Variants in NAV1 observed in about 807,000 individuals in gnomAD.
NAV1 encodes pore membrane and/or filament interacting like protein 3.
Under a neutral mutation model 175.2 loss-of-function variants are expected in NAV1, and 18 were observed. The observed-to-expected ratio is 0.10, with a 90% confidence interval of 0.07 to 0.15. The LOEUF (loss-of-function observed/expected upper bound fraction) is 0.15, where lower values mean the gene tolerates loss of function less well. Among genes scored for constraint, NAV1 ranks in the 10% least tolerant of loss-of-function variants. The pLI is 1.00. For missense variants in NAV1, 1,731 were observed against 2,436.6 expected, an observed-to-expected ratio of 0.71 and a Z score of 6.10; for synonymous variants, 897 against 978.7, an observed-to-expected ratio of 0.92 and a Z score of 1.56.
At chr1:201,761,965 C>T (rs912182601) in intron 3 of NAV1, among the ~76,000 whole-genome samples, 24 of 151,558 alleles carry the variant, frequency 1.6e-4, no homozygotes, top group Non-Finnish European at 2.1e-4. Flanking sequence ...CCAGCCTAGG[C>T]GACATAGTGA....
chr1:201,718,397 G>C lies in NAV1; in HGVS notation c.868G>C (p.Glu290Gln). ...CTTCTGCTCTCCACCCAGCTCCCTG[G>C]AGATGACCTGCTACGACAGCGATGA... The change falls in exon 3 of 30, where the codon GAG (glutamate) becomes CAG (glutamine). Residue 290 changes from glutamate to glutamine, a missense_variant. Glu to Gln is a conservative substitution (Grantham distance 29, BLOSUM62 2). Coordinates refer to ENST00000367296, the Ensembl canonical transcript of NAV1. This position sits in a 1 kb window ranked among gnomAD's most constrained non-coding sequence, Gnocchi z 4.8. 1 of 1,539,546 alleles carries C rather than the reference G, an allele frequency of 6.5e-7. No homozygotes were observed. The highest frequency in any genetic ancestry group is 8.8e-7 in the Non-Finnish European group (1 of 1,137,934).
At chr1:201,821,665 G>C (rs2102848378) in exon 30 of NAV1, 1 of 152,320 alleles carries the variant, frequency 6.6e-6, no homozygotes, top group South Asian at 2.1e-4. Flanking sequence ...TGAAACCCAA[G>C]GAGCCAGCTA....
At chr1:201,602,280 C>T (rs1257843592) in intron 2 of NAV1, among the ~76,000 whole-genome samples, 1 of 152,196 alleles carries the variant, frequency 6.6e-6, no homozygotes, top group Non-Finnish European at 1.5e-5. Flanking sequence ...CCCACTGGGC[C>T]TAAAAAACTC....
At chr1:201,702,017 T>C (rs1671446291) in intron 1 of NAV1, among the ~76,000 whole-genome samples, 1 of 152,256 alleles carries the variant, frequency 6.6e-6, no homozygotes, top group Non-Finnish European at 1.5e-5. Context: ...AAATGTGGTA[T>C]ATCCATACAA....
chr1:201,653,856 G>A (rs1242099937), intron 1 of NAV1, among the ~76,000 whole-genome samples: 1 of 152,202 alleles, frequency 6.6e-6, no homozygotes, highest in African/African-American at 2.4e-5. Context: ...GTGTATGTGT[G>A]TAGAGAAGGC....
chr1:201,578,492 C>T (rs1342001088), intron 1 of NAV1, among the ~76,000 whole-genome samples: 1 of 152,092 alleles, frequency 6.6e-6, no homozygotes, highest in African/African-American at 2.4e-5. Context: ...CCTCTTATAC[C>T]ACACTGTGGG....
At chr1:201,671,395 C>G (rs931152026) in intron 1 of NAV1, among the ~76,000 whole-genome samples, 1 of 151,948 alleles carries the variant, frequency 6.6e-6, no homozygotes, top group East Asian at 1.9e-4. Context: ...CTGCCCCACC[C>G]CACCTACACA....
intron 3 of NAV1, among the ~76,000 whole-genome samples, chr1:201,771,482 A>G (rs1306299843): frequency 6.7e-6 from 1 of 149,050 alleles, no homozygotes; most frequent in Admixed American, 6.7e-5. Context: ...CTGGGGAACA[A>G]GAGCAAGACT....
At chr1:201,680,146 A>C (rs1670404754) in intron 1 of NAV1, among the ~76,000 whole-genome samples, 1 of 152,160 alleles carries the variant, frequency 6.6e-6, no homozygotes, top group Non-Finnish European at 1.5e-5. Context: ...GCTTTTACTC[A>C]TGGCAGAAGG....
intron 3 of NAV1, among the ~76,000 whole-genome samples, chr1:201,779,304 C>T (rs1420401009): frequency 6.6e-6 from 1 of 151,860 alleles, no homozygotes; most frequent in Non-Finnish European, 1.5e-5. Flanking sequence ...CAAAAATGAA[C>T]AGCCAGGCCA....
chr1:201,575,356 A>G (rs1306089617), intron 1 of NAV1, among the ~76,000 whole-genome samples: 1 of 152,190 alleles, frequency 6.6e-6, no homozygotes, highest in Non-Finnish European at 1.5e-5. Flanking sequence ...CTACTGGCCT[A>G]TGAACTGCTG....
chr1:201,810,238 GAT>G lies in NAV1; in HGVS notation c.4561+137_4561+138del. On this transcript the variant is annotated intron_variant, in intron 23 of 29. Coordinates refer to ENST00000367296, the Ensembl canonical transcript of NAV1. The surrounding 1 kb of genome is among the most constrained non-coding windows in gnomAD (Gnocchi z 6.0). ...ATATGAAGATGCTTAAGTAATGTGA[GAT>G]ATAAAAAGATGAGTAAGACCCAGTC... The G allele has an allele frequency of 7.9e-7, 1 of 1,263,672 alleles. No individual in the cohort carries two copies. The highest frequency in any genetic ancestry group is 1.1e-6 in the Non-Finnish European group (1 of 922,890). 78.3% of individuals were successfully genotyped at this position (1,263,672 alleles called of 1,614,324 possible).
In NAV1 at chr1:201,800,903, A is replaced by G. The variant is rs116486819; in HGVS notation, c.3518-2690A>G. 5.8e-3 allele frequency among the ~76,000 whole-genome samples: 780 copies of G among 134,980 alleles called. 6 individuals carry two copies. The highest frequency in any genetic ancestry group is 0.02 in the African/African-American group (734 of 36,442). The allele number at this position is 134,980 out of a possible 152,430, so 88.6% of individuals were successfully genotyped here. ...GAATGTAGTTATGCAATCTCAGCCC[A>G]CTACAACCTCCACCTCCTGGGTTCA... On this transcript the variant is annotated intron_variant, in intron 15 of 29. Transcript: ENST00000367296.
rs1315452278 is a variant in NAV1 at position 201,788,883 on chromosome 1, T to C, written c.3166+245T>C. Among the ~76,000 whole-genome samples, 1 of 152,096 alleles carries C rather than the reference T, an allele frequency of 6.6e-6. No individual in the cohort carries two copies. The highest frequency in any genetic ancestry group is 1.5e-5 in the Non-Finnish European group (1 of 68,012). ...CATCACTGGGGCTGGGGGAGGGAAATTGAGCATGGAAGGGTTAAATGGCAT... is the reference window on the plus strand; with the variant it reads ...CATCACTGGGGCTGGGGGAGGGAAACTGAGCATGGAAGGGTTAAATGGCAT... On this transcript the variant is annotated intron_variant, in intron 10 of 29. Coordinates refer to ENST00000367296, the Ensembl canonical transcript of NAV1. The surrounding 1 kb of genome is among the most constrained non-coding windows in gnomAD (Gnocchi z 5.7).
intron 2 of NAV1, among the ~76,000 whole-genome samples, chr1:201,616,362 A>G (rs959548984): frequency 1.3e-5 from 2 of 152,072 alleles, no homozygotes; most frequent in Admixed American, 6.5e-5. Context: ...CATCAAATCC[A>G]CTACTTCCCA....
chr1:201,793,831 A>G (rs1677261940), exon 14 of NAV1: 6 of 1,494,230 alleles, frequency 4.0e-6, no homozygotes, highest in Non-Finnish European at 4.5e-6. Context: ...CCTGGTGAAT[A>G]TGACATCCCG....
At chr1:201,624,957 G>A (rs193229974) in intron 1 of NAV1, among the ~76,000 whole-genome samples, 4 of 152,286 alleles carry the variant, frequency 2.6e-5, no homozygotes, top group Admixed American at 2.0e-4. Flanking sequence ...GGCAACTTGT[G>A]TATCTTAATC....
chr1:201,610,955 G>T (rs1295733787), intron 2 of NAV1, among the ~76,000 whole-genome samples: 2 of 152,018 alleles, frequency 1.3e-5, no homozygotes, highest in Non-Finnish European at 2.9e-5. Flanking sequence ...GGGCCCTGGG[G>T]GTGGCGAAGG....
At chr1:201,612,784 G>A (rs561688772) in intron 2 of NAV1, among the ~76,000 whole-genome samples, 1 of 152,160 alleles carries the variant, frequency 6.6e-6, no homozygotes, top group South Asian at 2.1e-4. Flanking sequence ...GCATGGCAGT[G>A]TGTATCTTGT....
Sources: gnomAD v4.1 joint callset for allele counts (sites outside exome capture counted in the v4.1 genomes callset) on GRCh38, gnomAD v4.1.1 for gene constraint, Gnocchi (gnomAD v3.1) non-coding constraint, MANE v1.5 for transcripts, NCBI Gene and HGNC (gene_info 2026-07-23, HGNC 2026-07-21) for gene names.